Variants in ROBO2 observed in about 807,000 individuals in gnomAD.
ROBO2 encodes roundabout homolog 2.
In ROBO2, 53 loss-of-function variants were observed where a neutral mutation model predicts 160.8. The observed-to-expected ratio is 0.33, with a 90% CI of 0.26 to 0.41. The LOEUF (loss-of-function observed/expected upper bound fraction) is 0.41. Ranked by LOEUF, ROBO2 falls within the 10% of genes least tolerant of loss-of-function variation. The pLI is 1.00. For synonymous variants in ROBO2, 664 were observed against 611.7 expected, an observed-to-expected ratio of 1.09 and a Z score of -1.26; for missense variants, 1,577 against 1,722.4, an observed-to-expected ratio of 0.92 and a Z score of 1.49.
At chr3:76,990,470 A>C (rs2149367130) in intron 2 of ROBO2, among the ~76,000 whole-genome samples, 1 of 152,284 alleles carries the variant, frequency 6.6e-6, no homozygotes, top group Non-Finnish European at 1.5e-5. Context: ...TTTTAAAAAA[A>C]CCTTGATATT....
chr3:76,240,774 T>C (rs374681354), intron 2 of ROBO2, among the ~76,000 whole-genome samples: 5 of 152,218 alleles, frequency 3.3e-5, no homozygotes, highest in African/African-American at 1.2e-4. Context: ...AGAATTTCAG[T>C]TGTGGAATGA....
intron 2 of ROBO2, among the ~76,000 whole-genome samples, chr3:76,035,078 A>T (rs1257798329): frequency 1.3e-5 from 2 of 151,932 alleles, no homozygotes; most frequent in African/African-American, 4.8e-5. Flanking sequence ...GTTTTATCCC[A>T]TGTGTGCTAA....
chr3:76,453,557 C>G (rs554689810), intron 2 of ROBO2, among the ~76,000 whole-genome samples: 1 of 152,046 alleles, frequency 6.6e-6, no homozygotes. Context: ...GGTACCAGTA[C>G]CATGCTGTTT....
intron 2 of ROBO2, among the ~76,000 whole-genome samples, chr3:76,137,831 A>G (rs571487093): frequency 6.6e-6 from 1 of 151,884 alleles, no homozygotes; most frequent in Non-Finnish European, 1.5e-5. Context: ...CTTCTGTTTT[A>G]TATATATATA....
intron 2 of ROBO2, among the ~76,000 whole-genome samples, chr3:77,206,231 G>A (rs1181423255): frequency 2.0e-5 from 3 of 151,868 alleles, no homozygotes; most frequent in East Asian, 1.9e-4. Context: ...GTGCAATGGC[G>A]CGATCTCAGC....
At chr3:76,834,020 T>TTCTCTCTTTTCTTTCTC (rs68073950) in intron 2 of ROBO2, among the ~76,000 whole-genome samples, 2 of 37,730 alleles carry the variant, frequency 5.3e-5, no homozygotes, top group Non-Finnish European at 1.5e-4. Flanking sequence ...TTTCCTTTCT[T>TTCTCTCTTTTCTTTCTC]TCTTTTCTTT....
intron 2 of ROBO2, among the ~76,000 whole-genome samples, chr3:76,562,902 T>C (rs1228156015): frequency 6.6e-6 from 1 of 151,998 alleles, no homozygotes; most frequent in Non-Finnish European, 1.5e-5. Flanking sequence ...CTCTCTCCCT[T>C]CCTTCCTTCC....
intron 2 of ROBO2, among the ~76,000 whole-genome samples, chr3:76,707,178 T>A (rs554463919): frequency 6.6e-6 from 1 of 152,224 alleles, no homozygotes; most frequent in African/African-American, 2.4e-5. Flanking sequence ...AGCATTACTC[T>A]TGCAGGATCC....
chr3:77,087,829 T>C (rs762845714), intron 1 of ROBO2, among the ~76,000 whole-genome samples: 13 of 151,970 alleles, frequency 8.6e-5, no homozygotes, highest in South Asian at 4.1e-4. Flanking sequence ...TGTATATATA[T>C]ACACACACAC....
At chr3:76,965,785 G>GTATATATATATATATATATATATA (rs62885160) in intron 2 of ROBO2, among the ~76,000 whole-genome samples, 13 of 129,204 alleles carry the variant, frequency 1.0e-4, no homozygotes, top group East Asian at 2.2e-4. Flanking sequence ...TTGTGTTTGT[G>GTATATATATATATATATATATATA]TATATATATA....
intron 2 of ROBO2, among the ~76,000 whole-genome samples, chr3:76,099,720 A>T (rs900548393): frequency 1.3e-5 from 2 of 152,148 alleles, no homozygotes; most frequent in African/African-American, 2.4e-5. Flanking sequence ...CTCTAAAAAA[A>T]TTTTCACTTA....
chr3:77,310,686 T>C (rs1486130527), intron 2 of ROBO2, among the ~76,000 whole-genome samples: 2 of 152,242 alleles, frequency 1.3e-5, no homozygotes, highest in African/African-American at 2.4e-5. Context: ...TCTCTTAAGA[T>C]TCAAGCCTTT....
intron 2 of ROBO2, among the ~76,000 whole-genome samples, chr3:76,086,158 C>T (rs2069005530): frequency 6.6e-6 from 1 of 152,048 alleles, no homozygotes; most frequent in Non-Finnish European, 1.5e-5. Flanking sequence ...GGCCTGGCTG[C>T]AGAAGCCTTA....
At chr3:77,445,206 A>G (rs978377210) in intron 2 of ROBO2, among the ~76,000 whole-genome samples, 2 of 152,032 alleles carry the variant, frequency 1.3e-5, no homozygotes, top group Non-Finnish European at 2.9e-5. Context: ...ATCATTAGCC[A>G]CTCTACGCTA....
intron 2 of ROBO2, among the ~76,000 whole-genome samples, chr3:76,155,364 C>T (rs937813492): frequency 5.9e-5 from 9 of 151,666 alleles, no homozygotes; most frequent in Admixed American, 2.6e-4. Context: ...TGCAGAGAAC[C>T]GTGAGAATGC....
At chr3:76,634,650 C>G (rs1204293110) in intron 2 of ROBO2, among the ~76,000 whole-genome samples, 2 of 151,224 alleles carry the variant, frequency 1.3e-5, no homozygotes, top group Non-Finnish European at 2.9e-5. Flanking sequence ...ATCACCTCTT[C>G]AAAGGCTCTA....
intron 12 of ROBO2, among the ~76,000 whole-genome samples, 190 bp from the exon 14 acceptor site, chr3:77,568,123 T>C (rs2093538871): frequency 1.3e-5 from 2 of 152,036 alleles, no homozygotes; most frequent in South Asian, 2.1e-4. Context: ...AAGATCAATA[T>C]CATCTTTCAT....
chr3:76,882,143 G>C (rs2073411293), intron 2 of ROBO2, among the ~76,000 whole-genome samples: 1 of 151,568 alleles, frequency 6.6e-6, no homozygotes, highest in African/African-American at 2.4e-5. Flanking sequence ...GTGGTAGGTT[G>C]GTTGGGGGGG....
chr3:77,488,554 C>T (rs1248510193), intron 4 of ROBO2, among the ~76,000 whole-genome samples: 1 of 152,158 alleles, frequency 6.6e-6, no homozygotes, highest in African/African-American at 2.4e-5. Flanking sequence ...GTACAGAGCT[C>T]TAATTGTCCA....
Sources: gnomAD v4.1 joint callset for allele counts (sites outside exome capture counted in the v4.1 genomes callset) on GRCh38, gnomAD v4.1.1 for gene constraint, MANE v1.5 for transcripts, NCBI Gene and HGNC (gene_info 2026-07-23, HGNC 2026-07-21) for gene names.